MCM3: variants seen among roughly 807,000 people sequenced by gnomAD.
The protein encoded by MCM3 is minichromosome maintenance complex component 3.
Under a neutral mutation model 91.3 loss-of-function variants are expected in MCM3, and 59 were observed. The observed-to-expected ratio is 0.65, with a 90% CI of 0.52 to 0.80. The LOEUF is 0.80. Among genes scored for constraint, MCM3 ranks in the 30% least tolerant of loss-of-function variants. The pLI is 0.00. For synonymous variants in MCM3, 383 were observed against 379.6 expected (o/e 1.01, Z -0.10); for missense variants, 919 against 1,035.4 (o/e 0.89, Z 1.54).
At chr6:52,276,576 G>A (rs967750678) in intron 8 of MCM3, 100 bp from the exon 9 acceptor site, 27 of 1,018,964 alleles carry the variant, frequency 2.6e-5, no homozygotes, top group African/African-American at 1.1e-4. Context: ...CACTTTGCAC[G>A]TGAGAATGCG....
chr6:52,277,083 G>A lies in MCM3; in HGVS notation c.1149C>T (p.Thr383=), dbSNP rs1238780709. ...CACCCTTACCTGTTTCCTGGTCTGT[G>A]GTGACAGCAGCCGTCAGACCCACTC... ...SSGVGLTAAV[T]TDQETGERRL... Residue 383 remains threonine, a synonymous_variant, in exon 8 of 17, where the codon ACC becomes ACT. Coordinates refer to ENST00000596288, the MANE Select transcript of MCM3 (RefSeq NM_002388.6). 6.2e-7 allele frequency: 1 copy of A among 1,613,878 alleles called. No homozygotes were observed. The highest frequency in any genetic ancestry group is 1.3e-5 in the African/African-American group (1 of 74,942).
At chr6:52,270,082 T>C (rs1348913847) in intron 12 of MCM3, among the ~76,000 whole-genome samples, 1 of 152,172 alleles carries the variant, frequency 6.6e-6, no homozygotes, top group Non-Finnish European at 1.5e-5. Context: ...TCCTAGCACT[T>C]TGGGAGGCCA....
In MCM3 at chr6:52,264,557, G is replaced by A. The variant is rs369394839; in HGVS notation, c.*31C>T. 6.0e-5 allele frequency: 96 copies of A among 1,611,410 alleles called. 1 individual carries two copies. The highest frequency in any genetic ancestry group is 2.0e-4 in the Admixed American group (12 of 60,004). The stretch of plus-strand genomic sequence containing the variant: ...TGGGAAACACAGAACAAACTCTCTC[G>A]GCACAACCCAAGTTCAGAGACGAGG... On this transcript the variant is annotated 3_prime_UTR_variant, in exon 17 of 17. Transcript: ENST00000596288.
chr6:52,275,747 A>G (rs1484507164), intron 9 of MCM3, among the ~76,000 whole-genome samples: 1 of 152,218 alleles, frequency 6.6e-6, no homozygotes, highest in African/African-American at 2.4e-5. Flanking sequence ...AAAAGGAAAA[A>G]CTCAACAAAC....
intron 11 of MCM3, among the ~76,000 whole-genome samples, chr6:52,273,008 GACCTGA>G (rs1765261920): frequency 6.6e-6 from 1 of 152,138 alleles, no homozygotes; most frequent in African/African-American, 2.4e-5. Context: ...TTTAAGAAAA[GACCTGA>G]ACCTGCGCTG....
intron 4 of MCM3, 119 bp from the exon 5 acceptor site, chr6:52,279,718 G>C: frequency 1.3e-6 from 1 of 755,534 alleles, no homozygotes; most frequent in Non-Finnish European, 2.2e-6. Context: ...AACAAAAAAA[G>C]CCAAGTACCT....
Position 52,278,870 on chromosome 6 carries a change from G to C in MCM3, c.771-20C>G, listed in dbSNP as rs1276811303. On this transcript the variant is annotated intron_variant, in intron 5 of 16. Coordinates refer to ENST00000596288, the MANE Select transcript of MCM3 (RefSeq NM_002388.6). ...ACAGTCCTGGGACAAACAGAATAAA[G>C]AGGAAACCCGTTATATTCAATTCCT... 1 of 1,542,560 alleles carries C rather than the reference G, an allele frequency of 6.5e-7. No individual in the cohort carries two copies. Among genetic ancestry groups the C allele is most frequent in the Non-Finnish European group, 8.9e-7 (1 of 1,118,852 alleles).
At chr6:52,275,372 T>C (rs769147369) in intron 9 of MCM3, among the ~76,000 whole-genome samples, 2 of 152,208 alleles carry the variant, frequency 1.3e-5, no homozygotes, top group Non-Finnish European at 2.9e-5. Flanking sequence ...GTACCTCCAT[T>C]TTCTCATCTG....
chr6:52,266,133 T>A lies in MCM3; in HGVS notation c.2170A>T (p.Lys724Ter). 2 of 1,613,864 alleles carry A rather than the reference T, an allele frequency of 1.2e-6. No homozygotes were observed. The highest frequency in any genetic ancestry group is 1.7e-6 in the Non-Finnish European group (2 of 1,179,776). Residue 724 changes from lysine to a stop codon, truncating the protein, a stop_gained, in exon 16 of 17, where the codon AAG (lysine) becomes TAG (stop). Transcript: ENST00000596288. LOFTEE classifies it high-confidence loss of function. The part of the protein sequence containing the change: ...EEEMPQVHTP[K>*]TADSQETKES... ...TTGGTCTCCTGTGAGTCTGCCGTCT[T>A]TGGAGTGTGTACTTCAGAGGGTTGA...
chr6:52,272,613 T>G (rs1393769138), intron 11 of MCM3, among the ~76,000 whole-genome samples, 162 bp from the exon 12 acceptor site: 1 of 152,224 alleles, frequency 6.6e-6, no homozygotes, highest in Non-Finnish European at 1.5e-5. Context: ...TCACATATTT[T>G]TATTTAATTA....
chr6:52,270,328 C>CA lies in MCM3; in HGVS notation c.1828-1103dup, dbSNP rs35565084. Among the ~76,000 whole-genome samples the CA allele has an allele frequency of 8.1e-3, 835 of 103,318 alleles. 8 individuals carry two copies. The highest frequency in any genetic ancestry group is 0.025 in the African/African-American group (655 of 26,408). 67.8% of individuals were successfully genotyped at this position (103,318 alleles called of 152,430 possible). A position where few individuals can be genotyped will look rare whatever the true frequency, so the allele number is the denominator to read the frequency against. Reference sequence around the variant, plus strand: ...TGGGCAACAGAGCGAGATTCCATCTCAAAAAAAAAAAAAAAAAGAAAAAAA... The same window carrying CA: ...TGGGCAACAGAGCGAGATTCCATCTCAAAAAAAAAAAAAAAAAAGAAAAAAA... On this transcript the variant is annotated intron_variant, in intron 12 of 16. Transcript: ENST00000596288.
At chr6:52,282,534 C>T (rs953762607) in intron 3 of MCM3, 119 bp downstream of exon 3, 5 of 863,334 alleles carry the variant, frequency 5.8e-6, no homozygotes, top group Non-Finnish European at 9.2e-6. Context: ...AGTTTTACCA[C>T]GTAATTCCAA....
At chr6:52,267,754 G>A (rs879271874) in intron 14 of MCM3, 111 bp downstream of exon 14, 33 of 695,300 alleles carry the variant, frequency 4.7e-5, no homozygotes, top group Non-Finnish European at 5.6e-5. Flanking sequence ...TCAAACTCCT[G>A]GACTCAAGTG....
rs1309921596 is a variant in MCM3 at position 52,272,310 on chromosome 6, G to A, written c.1818C>T (p.Asp606=). 1.2e-6 allele frequency: 2 copies of A among 1,614,124 alleles called. No homozygotes were observed. Among genetic ancestry groups the A allele is most frequent in the Non-Finnish European group, 1.7e-6 (2 of 1,180,006 alleles). The change falls in exon 12 of 17, where the codon GAC becomes GAT. Residue 606 remains aspartate (D), a synonymous_variant. Coordinates refer to ENST00000596288, the MANE Select transcript of MCM3 (RefSeq NM_002388.6). ...TCCCCCAGGCACTCACCCTGGCGGT[G>A]TCTGAGCTCATGCTATCCTGGCTGC... ...RLRSQDSMSS[D]TARTSPVTAR... is the part of the protein sequence containing the mutation.
chr6:52,283,144 A>G (rs1189255178), intron 2 of MCM3, 150 bp downstream of exon 2: 25 of 382,268 alleles, frequency 6.5e-5, no homozygotes, highest in African/African-American at 1.6e-4. Flanking sequence ...TTTTGAAAAA[A>G]AAAAAAAAAA....
chr6:52,282,553 C>G (rs1361231506), intron 3 of MCM3, 100 bp downstream of exon 3: 4 of 1,087,864 alleles, frequency 3.7e-6, no homozygotes, highest in Non-Finnish European at 5.4e-6. Context: ...AATGCTCCAC[C>G]TCTTTGAAGC....
chr6:52,265,051 C>T (rs1764534972), intron 16 of MCM3, among the ~76,000 whole-genome samples: 1 of 152,194 alleles, frequency 6.6e-6, no homozygotes, highest in African/African-American at 2.4e-5. Flanking sequence ...GACAATTTAA[C>T]AGCACTTACT....
At chr6:52,267,762 G>A in intron 14 of MCM3, 103 bp downstream of exon 14, 5 of 704,498 alleles carry the variant, frequency 7.1e-6, no homozygotes, top group Non-Finnish European at 1.3e-5. Flanking sequence ...CTGGACTCAA[G>A]TGACCCACCC....
chr6:52,270,045 C>T (rs1394254676), intron 12 of MCM3, among the ~76,000 whole-genome samples: 1 of 152,134 alleles, frequency 6.6e-6, no homozygotes, highest in African/African-American at 2.4e-5. Context: ...CTACTTCCAG[C>T]CCGGACGTGG....
Sources: allele counts gnomAD v4.1 joint callset (sites outside exome capture counted in the v4.1 genomes callset), GRCh38; gene constraint gnomAD v4.1.1; transcripts MANE v1.5; gene names NCBI Gene and HGNC (gene_info 2026-07-23, HGNC 2026-07-21).